Variants in C5orf47 observed in about 807,000 individuals in gnomAD.
C5orf47 encodes uncharacterized protein C5orf47.
A neutral mutation model predicts 20.6 loss-of-function variants in C5orf47; 20 were observed. That is an observed-to-expected ratio of 0.97 (90% CI 0.68 to 1.41). The LOEUF is 1.41. Ranked by LOEUF, C5orf47 falls within the 40% of genes most tolerant of loss-of-function variation. C5orf47 has a pLI of 0.00. For missense variants in C5orf47, 262 were observed against 238.4 expected (o/e 1.10, Z -0.65); for synonymous variants, 106 against 97.3 (o/e 1.09, Z -0.53).
chr5:173,999,838 C>T, intron 3 of C5orf47, 39 bp downstream of exon 3: 1 of 1,085,390 alleles, frequency 9.2e-7, no homozygotes, highest in South Asian at 1.5e-5. Flanking sequence ...AAAAGACTGG[C>T]CTCTGTAACA....
chr5:173,996,431 T>G (rs551792627), intron 1 of C5orf47, among the ~76,000 whole-genome samples: 46 of 152,336 alleles, frequency 3.0e-4, no homozygotes, highest in African/African-American at 1.1e-3. Context: ...ATGACTCCTG[T>G]GTTTTCTCAA....
intron 1 of C5orf47, among the ~76,000 whole-genome samples, chr5:173,993,507 G>A (rs1030071619): frequency 2.6e-5 from 4 of 152,194 alleles, no homozygotes; most frequent in Non-Finnish European, 4.4e-5. Context: ...TGGGTGTGGT[G>A]GTGCGCGCCT....
rs770436879 is a variant in C5orf47, at chr5:173,998,160, C to T, written c.333C>T (p.Ile111=). 2 of 1,531,874 alleles carry T rather than the reference C, an allele frequency of 1.3e-6. No individual in the cohort carries two copies. The highest frequency in any genetic ancestry group is 1.8e-6 in the Non-Finnish European group (2 of 1,134,102). 94.9% of individuals were successfully genotyped at this position (1,531,874 alleles called of 1,614,324 possible). A position where few individuals can be genotyped will look rare whatever the true frequency, so the allele number is the denominator to read the frequency against. The part of the protein sequence containing the change: ...GTRQSARAGL[I]QKDAAKKYDF... The stretch of plus-strand genomic sequence containing the variant: ...TTTCTTCTTAAAAATTAGGTTTAAT[C>T]CAGAAGGATGCAGCTAAAAAGTATG... Residue 111 remains isoleucine, a synonymous_variant, in exon 2 of 5, where the codon ATC becomes ATT. Transcript: ENST00000340147.
chr5:173,991,441 T>TTATATAGCCA (rs1219723842), intron 1 of C5orf47, among the ~76,000 whole-genome samples: 1 of 152,012 alleles, frequency 6.6e-6, no homozygotes, highest in Admixed American at 6.5e-5. Context: ...GTACTGGCTA[T>TTATATAGCCA]GTGACTAAGG....
At chr5:174,007,869 C>G (rs1759316472), downstream of C5orf47, among the ~76,000 whole-genome samples, 1 of 152,074 alleles carries the variant, frequency 6.6e-6, no homozygotes, top group African/African-American at 2.4e-5. Context: ...CCTCTCCTAC[C>G]TTTCATAATA....
rs1581199801 is a variant in C5orf47 at position 174,006,100 on chromosome 5, C to T, written c.*1846C>T. On this transcript the variant is annotated 3_prime_UTR_variant, in exon 5 of 5. Transcript: ENST00000340147. ...TTCTGTTCCATAATTTCAGTAGGGG[C>T]TAATGACCCACCCCTGCTACATTAA... 1 of 152,448 alleles carries T rather than the reference C, an allele frequency of 6.6e-6. No individual in the cohort carries two copies. The highest frequency in any genetic ancestry group is 2.1e-4 in the South Asian group (1 of 4,820). The allele number at this position is 152,448 out of a possible 1,614,324, so 9.4% of individuals were successfully genotyped here. A position where few individuals can be genotyped will look rare whatever the true frequency, so the allele number is the denominator to read the frequency against.
At chr5:173,993,020 G>A (rs1759026147) in intron 1 of C5orf47, among the ~76,000 whole-genome samples, 1 of 151,836 alleles carries the variant, frequency 6.6e-6, no homozygotes, top group African/African-American at 2.4e-5. Context: ...CTCCCCTATA[G>A]TCTGTACTCT....
Position 173,993,757 on chromosome 5 carries a change from A to T in C5orf47, c.325+4169A>T, listed in dbSNP as rs112878522. On this transcript the variant is annotated intron_variant, in intron 1 of 4. Coordinates refer to ENST00000340147, the MANE Select transcript of C5orf47 (RefSeq NM_001144954.2). ...AAAAAAATCTCAAGTTGAAAAATAT[A>T]TAAATATTTTGTTTACTATTCTTTC... is the stretch of plus-strand genomic sequence containing the variant. Among the ~76,000 whole-genome samples the T allele has an allele frequency of 2.8e-3, 420 of 152,370 alleles. 1 individual carries two copies. Among genetic ancestry groups the T allele is most frequent in the South Asian group, 8.9e-3 (43 of 4,832 alleles).
At position 173,999,786 on chromosome 5, in the gene C5orf47, G is replaced by C. The variant is rs1471076535; in HGVS notation, c.498G>C (p.Arg166Ser). 6.6e-7 allele frequency: 1 copy of C among 1,520,788 alleles called. No homozygotes were observed. Among genetic ancestry groups the C allele is most frequent in the South Asian group, 1.2e-5 (1 of 80,120 alleles). 94.2% of individuals were successfully genotyped at this position (1,520,788 alleles called of 1,614,324 possible). A position where few individuals can be genotyped will look rare whatever the true frequency, so the allele number is the denominator to read the frequency against. Residue 166 changes from arginine to serine, a missense_variant, in exon 3 of 5, where the codon AGG becomes AGC. Coordinates refer to ENST00000340147, the MANE Select transcript of C5orf47 (RefSeq NM_001144954.2). ...ATAGACACAGGCTGAAATGCCAAAG[G>C]TTATCTAGTGAAAGTAAGTTAACAC... ...EKYRHRLKCQRLSSESSNYTR is the reference protein window; with the variant it reads ...EKYRHRLKCQSLSSESSNYTR
At chr5:174,002,737 T>C (rs1319525650) in intron 4 of C5orf47, among the ~76,000 whole-genome samples, 1 of 152,158 alleles carries the variant, frequency 6.6e-6, no homozygotes, top group African/African-American at 2.4e-5. Flanking sequence ...TTCACTTTTT[T>C]CCCTATTGCC....
Position 173,989,699 on chromosome 5 carries a change from C to T in C5orf47, c.325+111C>T, listed in dbSNP as rs539787975. ...ACGCAGGAGGCTGGGGGCAGCTTTC[C>T]TGTCAGGCCGTGTTGCGAGCACGCG... On this transcript the variant is annotated intron_variant, in intron 1 of 4. Transcript: ENST00000340147. The T allele has an allele frequency of 1.4e-5, 14 of 1,013,238 alleles. No individual in the cohort carries two copies. The South Asian group carries it at 3.0e-4, about 21-fold the overall frequency. 62.8% of individuals were successfully genotyped at this position (1,013,238 alleles called of 1,614,324 possible).
chr5:174,001,798 A>G (rs1359845172), intron 4 of C5orf47, among the ~76,000 whole-genome samples: 1 of 152,028 alleles, frequency 6.6e-6, no homozygotes, highest in East Asian at 1.9e-4. Flanking sequence ...ACAGATTTTT[A>G]TAGCTTCAAC....
At chr5:173,990,233 C>T (rs1758966192) in intron 1 of C5orf47, among the ~76,000 whole-genome samples, 1 of 148,622 alleles carries the variant, frequency 6.7e-6, no homozygotes, top group Admixed American at 6.7e-5. Flanking sequence ...TGACCTCAGC[C>T]TCCCGAGTAG....
chr5:173,991,028 G>T (rs1054082420), intron 1 of C5orf47, among the ~76,000 whole-genome samples: 2 of 152,042 alleles, frequency 1.3e-5, no homozygotes, highest in African/African-American at 4.8e-5. Context: ...CTCCCTATTT[G>T]CCCTCCTTTA....
intron 1 of C5orf47, among the ~76,000 whole-genome samples, chr5:173,991,967 CTA>C (rs1759005275): frequency 6.6e-6 from 1 of 152,138 alleles, no homozygotes; most frequent in Non-Finnish European, 1.5e-5. Context: ...ATAACCTTCT[CTA>C]TGTTTTCTAT....
intron 2 of C5orf47, among the ~76,000 whole-genome samples, chr5:173,999,221 T>G (rs913654000): frequency 6.6e-6 from 1 of 152,180 alleles, no homozygotes; most frequent in African/African-American, 2.4e-5. Context: ...TCTATAATCC[T>G]TGTTCTTTCG....
Position 174,001,900 on chromosome 5 carries a change from T to C in C5orf47, c.*16+669T>C, listed in dbSNP as rs540105651. Among the ~76,000 whole-genome samples the C allele has an allele frequency of 1.4e-4, 21 of 152,198 alleles. No homozygotes were observed. In the South Asian group the frequency reaches 4.4e-3, roughly 32 times the overall value. On this transcript the variant is annotated intron_variant, in intron 4 of 4. Coordinates refer to ENST00000340147, the MANE Select transcript of C5orf47 (RefSeq NM_001144954.2). Reference sequence around the variant, plus strand: ...TTTTCTTTAGGCTGTTCTACTTATTTCTTTTTTTGTCACCTCTACTGAAAT... The same window carrying C: ...TTTTCTTTAGGCTGTTCTACTTATTCCTTTTTTTGTCACCTCTACTGAAAT...
chr5:174,002,630 A>G (rs997178209), intron 4 of C5orf47, among the ~76,000 whole-genome samples: 1 of 152,184 alleles, frequency 6.6e-6, no homozygotes, highest in Non-Finnish European at 1.5e-5. Context: ...TTCAGTGTAT[A>G]TAACCTAAGA....
chr5:173,998,297 A>T, intron 2 of C5orf47, 59 bp downstream of exon 2: 2 of 871,910 alleles, frequency 2.3e-6, no homozygotes, highest in Non-Finnish European at 3.6e-6. Flanking sequence ...CTCTCTAAAT[A>T]CAAATGTGTA....
Sources: gnomAD v4.1 joint callset for allele counts (sites outside exome capture counted in the v4.1 genomes callset) on GRCh38, gnomAD v4.1.1 for gene constraint, MANE v1.5 for transcripts, NCBI Gene and HGNC (gene_info 2026-07-23, HGNC 2026-07-21) for gene names.